SDK1: variants seen among roughly 807,000 people sequenced by gnomAD.
The protein encoded by SDK1 is sidekick cell adhesion molecule 1, also known as protein sidekick-1.
In SDK1, 157 loss-of-function variants were observed where a neutral mutation model predicts 245.5. That is an observed-to-expected ratio of 0.64 (90% CI 0.56 to 0.73). SDK1 has a LOEUF of 0.73. Ranked by LOEUF, SDK1 falls within the 30% of genes least tolerant of loss-of-function variation. The pLI, the probability that SDK1 is intolerant of heterozygous loss-of-function variation, is 0.00. For synonymous variants in SDK1, 1,647 were observed against 1,278.5 expected (o/e 1.29, Z -6.15); for missense variants, 3,583 against 3,002.3 (o/e 1.19, Z -4.52).
intron 5 of SDK1, among the ~76,000 whole-genome samples, chr7:3,838,454 C>G (rs894316268): frequency 6.6e-6 from 1 of 152,216 alleles, no homozygotes; most frequent in African/African-American, 2.4e-5. Context: ...TCAGCTGAGG[C>G]ATTGGGAAGA....
intron 28 of SDK1, among the ~76,000 whole-genome samples, chr7:4,143,047 C>T (rs1465024706): frequency 6.6e-6 from 1 of 152,176 alleles, no homozygotes; most frequent in Non-Finnish European, 1.5e-5. Flanking sequence ...GAGTCCTGTT[C>T]TGAGGCACAC....
intron 1 of SDK1, among the ~76,000 whole-genome samples, chr7:3,318,561 G>A (rs1779719542): frequency 6.6e-6 from 1 of 152,164 alleles, no homozygotes; most frequent in Admixed American, 6.5e-5. Context: ...ATACACAGAA[G>A]GCATTACTTA....
intron 4 of SDK1, among the ~76,000 whole-genome samples, chr7:3,694,797 G>C (rs1784528931): frequency 6.6e-6 from 1 of 152,134 alleles, no homozygotes; most frequent in Non-Finnish European, 1.5e-5. Context: ...TCGTAAGTTT[G>C]TGAACCATTG....
rs376599954 is a variant in SDK1, at chr7:3,721,418, ACTC to A, written c.713+79317_713+79319del. 1.6e-3 allele frequency among the ~76,000 whole-genome samples: 245 copies of A among 152,130 alleles called. 1 individual carries two copies. The highest frequency in any genetic ancestry group is 5.5e-3 in the African/African-American group (230 of 41,512). ...TGGGTTTCACTGTACATTTCTTTGA[ACTC>A]CTCGTAAATCTAATTATTTCAAAAT... On this transcript the variant is annotated intron_variant, in intron 4 of 44. Transcript: ENST00000404826.
chr7:3,664,305 C>T lies in SDK1; in HGVS notation c.713+22200C>T, dbSNP rs530174091. Among the ~76,000 whole-genome samples the T allele has an allele frequency of 1.2e-4, 19 of 152,220 alleles. 3 individuals carry two copies. Among genetic ancestry groups the T allele is most frequent in the African/African-American group, 4.3e-4 (18 of 41,536 alleles). ...TGAAAAACACCAGGCTGTTAATTAC[C>T]CCACAACTCAGGGCAACTCCAGCTA... On this transcript the variant is annotated intron_variant, in intron 4 of 44. Transcript: ENST00000404826.
At position 4,049,363 on chromosome 7, in the gene SDK1, C is replaced by T. The variant is rs763305885; in HGVS notation, c.2618C>T (p.Pro873Leu). The change falls in exon 18 of 45, where the codon CCG (proline) becomes CTG (leucine). Residue 873 changes from proline to leucine, a missense_variant. Transcript: ENST00000404826. ...CCTGCCACAGTGCCCACCGCGCCCCCGCAGAACGTGCAGACGGAAGCCGTG... is the reference window on the plus strand; with the variant it reads ...CCTGCCACAGTGCCCACCGCGCCCCTGCAGAACGTGCAGACGGAAGCCGTG... ...YTLQGVPTAP[P>L]QNVQTEAVNS... is the part of the protein sequence containing the mutation. 13 of 1,614,024 alleles carry T rather than the reference C, an allele frequency of 8.1e-6. No homozygotes were observed. Among genetic ancestry groups the T allele is most frequent in the East Asian group, 2.2e-5 (1 of 44,876 alleles).
At chr7:3,913,320 G>A (rs1241546885) in intron 5 of SDK1, among the ~76,000 whole-genome samples, 1 of 143,312 alleles carries the variant, frequency 7.0e-6, no homozygotes, top group Non-Finnish European at 1.5e-5. Context: ...TTGAGATGGA[G>A]TCTCGCTCTG....
chr7:3,584,511 C>T (rs1209352481), intron 1 of SDK1, among the ~76,000 whole-genome samples: 2 of 152,168 alleles, frequency 1.3e-5, no homozygotes, highest in Non-Finnish European at 2.9e-5. Flanking sequence ...CCCTGTGGGG[C>T]CGCTCCTTGA....
intron 1 of SDK1, among the ~76,000 whole-genome samples, chr7:3,400,642 C>G (rs2341024): frequency 0.022 from 3,354 of 152,212 alleles, 139 homozygotes; most frequent in African/African-American, 0.076. Flanking sequence ...CAGATGGTGG[C>G]AGACCAAAGG....
intron 5 of SDK1, among the ~76,000 whole-genome samples, chr7:3,935,482 A>C (rs1388969609): frequency 1.3e-5 from 2 of 152,228 alleles, no homozygotes; most frequent in African/African-American, 2.4e-5. Flanking sequence ...TCACATATAT[A>C]ATAAGGGATT....
intron 14 of SDK1, among the ~76,000 whole-genome samples, chr7:4,005,662 C>T (rs561244367): frequency 2.6e-5 from 4 of 152,120 alleles, no homozygotes; most frequent in Admixed American, 1.3e-4. Flanking sequence ...GCTACAGACC[C>T]GAAAGCACTT....
intron 25 of SDK1, among the ~76,000 whole-genome samples, chr7:4,116,800 C>T (rs893222005): frequency 6.6e-6 from 1 of 152,196 alleles, no homozygotes; most frequent in Non-Finnish European, 1.5e-5. Context: ...TGGAGCCCAC[C>T]AATGAGAGCC....
intron 4 of SDK1, among the ~76,000 whole-genome samples, chr7:3,719,244 G>GTTT (rs11290875): frequency 4.5e-5 from 6 of 134,290 alleles, no homozygotes; most frequent in Non-Finnish European, 3.2e-5. Context: ...ACCCAGAAAG[G>GTTT]TTTTTTTTTT....
intron 1 of SDK1, among the ~76,000 whole-genome samples, chr7:3,605,546 A>T (rs768330946): frequency 2.6e-5 from 4 of 152,196 alleles, no homozygotes; most frequent in African/African-American, 7.2e-5. Context: ...TGATGCACCT[A>T]AATTATTGAT....
At chr7:4,240,679 C>T (rs1010368374) in intron 42 of SDK1, among the ~76,000 whole-genome samples, 1 of 152,090 alleles carries the variant, frequency 6.6e-6, no homozygotes, top group South Asian at 2.1e-4. Context: ...TGGGGGCTGG[C>T]GGGACACTGG....
intron 30 of SDK1, among the ~76,000 whole-genome samples, chr7:4,157,946 G>C (rs1415095845): frequency 6.6e-6 from 1 of 152,176 alleles, no homozygotes; most frequent in African/African-American, 2.4e-5. Context: ...CAGGAGGACG[G>C]AGCGTGAGAA....
chr7:3,519,683 C>A (rs375151156), intron 1 of SDK1, among the ~76,000 whole-genome samples: 2 of 151,936 alleles, frequency 1.3e-5, no homozygotes, highest in Non-Finnish European at 2.9e-5. Context: ...TCCAGAGATA[C>A]GCATAAAAAA....
At chr7:4,147,218 T>C (rs1780040993) in intron 29 of SDK1, among the ~76,000 whole-genome samples, 1 of 152,224 alleles carries the variant, frequency 6.6e-6, no homozygotes, top group South Asian at 2.1e-4. Context: ...TCTTGCTCTG[T>C]TGCCCAGGCT....
chr7:4,252,862 C>T (rs1787402118), intron 44 of SDK1, among the ~76,000 whole-genome samples: 1 of 145,302 alleles, frequency 6.9e-6, no homozygotes. Context: ...GTCAGTGTCA[C>T]TCATTTGTGT....
Sources: gnomAD v4.1 joint callset for allele counts (sites outside exome capture counted in the v4.1 genomes callset) on GRCh38, gnomAD v4.1.1 for gene constraint, MANE v1.5 for transcripts, NCBI Gene and HGNC (gene_info 2026-07-23, HGNC 2026-07-21) for gene names.